The following PCDH15 variants were observed in gnomAD, a reference collection of about 807,000 sequenced individuals.
PCDH15 encodes the protein protocadherin-15.
In PCDH15, 129 loss-of-function variants were observed where a neutral mutation model predicts 178.5. The observed-to-expected ratio is 0.72, with a 90% confidence interval of 0.63 to 0.84. The LOEUF (loss-of-function observed/expected upper bound fraction) is 0.84. Among genes scored for constraint, PCDH15 ranks in the 40% least tolerant of loss-of-function variants. The pLI, the probability that PCDH15 is intolerant of heterozygous loss-of-function variation, is 0.00. For synonymous variants in PCDH15, 800 were observed against 732.0 expected (o/e 1.09, Z -1.50); for missense variants, 2,230 against 2,099.9 (o/e 1.06, Z -1.21).
At chr10:55,007,231 A>G (rs958787074) in intron 2 of PCDH15, among the ~76,000 whole-genome samples, 3 of 152,162 alleles carry the variant, frequency 2.0e-5, no homozygotes, top group Admixed American at 6.5e-5. Flanking sequence ...TCTTCATATC[A>G]ATACAGTAAC....
intron 3 of PCDH15, among the ~76,000 whole-genome samples, chr10:54,841,820 T>C (rs1360356134): frequency 1.3e-5 from 2 of 151,868 alleles, no homozygotes; most frequent in African/African-American, 4.8e-5. Context: ...AATCATTTTT[T>C]GAAGACATTT....
intron 2 of PCDH15, among the ~76,000 whole-genome samples, chr10:54,983,282 T>C (rs561156674): frequency 6.6e-6 from 1 of 152,278 alleles, no homozygotes; most frequent in East Asian, 1.9e-4. Flanking sequence ...AACAATCAGG[T>C]AGTTCTTAGG....
chr10:54,379,077 G>A (rs919066285), intron 3 of PCDH15, 135 bp from the exon 4 acceptor site: 26 of 909,488 alleles, frequency 2.9e-5, no homozygotes, highest in Non-Finnish European at 4.4e-5. Context: ...TCTAGCATAA[G>A]ACAGAAAATA....
chr10:54,024,405 G>A lies in PCDH15; in HGVS notation c.2221-1208C>T, dbSNP rs73235706. On this transcript the variant is annotated intron_variant, in intron 18 of 37. Transcript: ENST00000644397. ...AAAAATCACTCGAGGTCCATAAAGC[G>A]TGGAATGCAATATGATGTATTTTAA... Among the ~76,000 whole-genome samples, 676 of 152,228 alleles carry A rather than the reference G, an allele frequency of 4.4e-3. 6 individuals carry two copies. Among genetic ancestry groups the A allele is most frequent in the Middle Eastern group, 0.02 (6 of 294 alleles).
intron 3 of PCDH15, among the ~76,000 whole-genome samples, chr10:54,884,510 T>TGTGTGC (rs376167510): frequency 9.3e-5 from 14 of 149,880 alleles, no homozygotes; most frequent in Non-Finnish European, 1.5e-4. Flanking sequence ...TGTGTGTGTG[T>TGTGTGC]GCACCTGTGT....
intron 1 of PCDH15, among the ~76,000 whole-genome samples, chr10:54,755,522 T>C (rs1459931859): frequency 6.6e-6 from 1 of 152,156 alleles, no homozygotes; most frequent in Non-Finnish European, 1.5e-5. Context: ...AATTGGAGAA[T>C]AAATTTATTT....
At chr10:55,128,714 T>TAA (rs1305593341) in intron 2 of PCDH15, among the ~76,000 whole-genome samples, 1 of 152,076 alleles carries the variant, frequency 6.6e-6, no homozygotes, top group Non-Finnish European at 1.5e-5. Context: ...TATTAAATGC[T>TAA]ATGGGTAGCC....
intron 2 of PCDH15, among the ~76,000 whole-genome samples, chr10:54,909,477 A>C (rs890205690): frequency 6.6e-6 from 1 of 152,180 alleles, no homozygotes; most frequent in African/African-American, 2.4e-5. Context: ...ACCCCTGGAC[A>C]GGTTGTGACA....
chr10:54,017,322 G>A (rs2092771752), intron 20 of PCDH15, among the ~76,000 whole-genome samples: 1 of 152,078 alleles, frequency 6.6e-6, no homozygotes, highest in Non-Finnish European at 1.5e-5. Context: ...ACCATGCCCA[G>A]CCAAGATATA....
rs981930099 is a variant in PCDH15, at chr10:53,853,141, A to G, written c.3806+4034T>C. On this transcript the variant is annotated intron_variant, in intron 28 of 37. Transcript: ENST00000644397. ...TAAATTTACATAGGTTTTAAAAAAA[A>G]TCTACAAAATGAAATCAGACATGGA... 2.6e-5 allele frequency among the ~76,000 whole-genome samples: 4 copies of G among 152,096 alleles called. No homozygotes were observed. In the East Asian group the frequency reaches 7.7e-4, roughly 29 times the overall value.
At chr10:54,254,711 T>C (rs765126358) in intron 8 of PCDH15, among the ~76,000 whole-genome samples, 25 of 152,212 alleles carry the variant, frequency 1.6e-4, no homozygotes, top group Non-Finnish European at 3.4e-4. Context: ...CTAAATTTGT[T>C]TTCACACTTC....
chr10:54,465,164 A>C (rs566063986), intron 3 of PCDH15, among the ~76,000 whole-genome samples: 1 of 152,170 alleles, frequency 6.6e-6, no homozygotes, highest in East Asian at 1.9e-4. Context: ...TTTACAGGGG[A>C]CATGTGATTT....
intron 2 of PCDH15, among the ~76,000 whole-genome samples, chr10:54,653,728 A>T (rs894601875): frequency 3.3e-5 from 5 of 152,108 alleles, no homozygotes; most frequent in African/African-American, 4.8e-5. Context: ...TGTTATTCAA[A>T]TTTTTCCTGA....
chr10:54,378,689 T>C (rs1948796694), intron 4 of PCDH15, 93 bp downstream of exon 4: 1 of 1,393,614 alleles, frequency 7.2e-7, no homozygotes, highest in Non-Finnish European at 9.9e-7. Flanking sequence ...AAACTCAAAT[T>C]ATGTAAATAA....
chr10:55,268,373 C>T (rs1842355628), intron 1 of PCDH15, among the ~76,000 whole-genome samples: 1 of 152,068 alleles, frequency 6.6e-6, no homozygotes, highest in African/African-American at 2.4e-5. Flanking sequence ...AATCACATAC[C>T]AAAATATTTT....
intron 15 of PCDH15, among the ~76,000 whole-genome samples, chr10:54,110,481 T>C (rs189918826): frequency 3.6e-4 from 55 of 152,318 alleles, no homozygotes; most frequent in African/African-American, 1.3e-3. Flanking sequence ...TTTTCATCTT[T>C]ACTCATGAAG....
intron 2 of PCDH15, among the ~76,000 whole-genome samples, chr10:54,545,005 C>G (rs560682529): frequency 6.6e-6 from 1 of 152,006 alleles, no homozygotes; most frequent in South Asian, 2.1e-4. Flanking sequence ...TCAATTTAGT[C>G]CCTCTAATCA....
chr10:54,624,380 A>G (rs2093477892), intron 2 of PCDH15, among the ~76,000 whole-genome samples: 1 of 152,232 alleles, frequency 6.6e-6, no homozygotes, highest in African/African-American at 2.4e-5. Context: ...GATTGCCTTG[A>G]ATTTGTTACC....
intron 3 of PCDH15, among the ~76,000 whole-genome samples, chr10:54,404,597 T>C (rs1589237057): frequency 6.9e-6 from 1 of 144,254 alleles, no homozygotes; most frequent in South Asian, 2.1e-4. Flanking sequence ...CAGGCAAAGA[T>C]GGCATGACCA....
Sources: allele counts gnomAD v4.1 joint callset (sites outside exome capture counted in the v4.1 genomes callset), GRCh38; gene constraint gnomAD v4.1.1; transcripts MANE v1.5; gene names NCBI Gene and HGNC (gene_info 2026-07-23, HGNC 2026-07-21).